Variants in SYN3 observed in about 807,000 individuals in gnomAD.
SYN3 encodes the protein synapsin III, also known as synapsin-3.
A neutral mutation model predicts 65.8 loss-of-function variants in SYN3; 35 were observed. The ratio of observed to expected loss-of-function variants is 0.53; its 90% CI spans 0.41 to 0.70. The LOEUF (loss-of-function observed/expected upper bound fraction) is 0.70. Ranked by LOEUF, SYN3 falls within the 30% of genes least tolerant of loss-of-function variation. The pLI, the probability that SYN3 is intolerant of heterozygous loss-of-function variation, is 0.00. For synonymous variants in SYN3, 270 were observed against 292.9 expected, an observed-to-expected ratio of 0.92 and a Z score of 0.80; for missense variants, 680 against 749.0, an observed-to-expected ratio of 0.91 and a Z score of 1.08.
chr22:32,707,098 AT>A (rs1283052861), intron 6 of SYN3, among the ~76,000 whole-genome samples: 1 of 152,180 alleles, frequency 6.6e-6, no homozygotes, highest in African/African-American at 2.4e-5. Flanking sequence ...TCTCATGTGC[AT>A]ACATTGCTTC....
chr22:32,721,918 T>G (rs1010860044), intron 6 of SYN3, among the ~76,000 whole-genome samples: 1 of 152,218 alleles, frequency 6.6e-6, no homozygotes, highest in African/African-American at 2.4e-5. Flanking sequence ...GACAAAATGC[T>G]GGCTCCAGGA....
chr22:32,857,730 T>G (rs2048411155), intron 6 of SYN3, among the ~76,000 whole-genome samples: 1 of 152,096 alleles, frequency 6.6e-6, no homozygotes, highest in Admixed American at 6.6e-5. Flanking sequence ...AAAACAAAAA[T>G]CATTATAAAG....
Position 32,507,931 on chromosome 22 carries a change from C to T in SYN3, c.*5761G>A, listed in dbSNP as rs559061984. On this transcript the variant is annotated 3_prime_UTR_variant, in exon 14 of 14. Transcript: ENST00000358763. ...TAATCTCTCCCACTCTAGGTTCCCA[C>T]GCCGCCCCTAATCCCACTCGAAGCA... Among the ~76,000 whole-genome samples the T allele has an allele frequency of 6.6e-5, 10 of 152,114 alleles. No homozygotes were observed. The highest frequency in any genetic ancestry group is 4.2e-4 in the South Asian group (2 of 4,810).
intron 7 of SYN3, among the ~76,000 whole-genome samples, chr22:32,548,223 C>T (rs1409168436): frequency 6.6e-6 from 1 of 152,178 alleles, no homozygotes; most frequent in Non-Finnish European, 1.5e-5. Flanking sequence ...GGCCTTTGCA[C>T]TTGCTGTTCC....
intron 6 of SYN3, among the ~76,000 whole-genome samples, chr22:32,661,734 A>G (rs992770708): frequency 6.6e-6 from 1 of 152,118 alleles, no homozygotes; most frequent in African/African-American, 2.4e-5. Context: ...ACATCCTCAA[A>G]GAGCATCTGG....
chr22:32,875,010 G>A (rs2048946927), intron 4 of SYN3, among the ~76,000 whole-genome samples: 2 of 152,214 alleles, frequency 1.3e-5, no homozygotes, highest in South Asian at 4.1e-4. Flanking sequence ...ATAAAGCCAA[G>A]GAAATGTGCA....
chr22:32,586,100 GTATA>G lies in SYN3; in HGVS notation c.774+10570_774+10573del, dbSNP rs2059036351. 3.4e-5 allele frequency among the ~76,000 whole-genome samples: 5 copies of G among 149,122 alleles called. No homozygotes were observed. In the South Asian group the frequency reaches 1.1e-3, roughly 32 times the overall value. ...TGTATACATGTATATATGTATATAT[GTATA>G]CATGTATATGTATATATGTATATGT... On this transcript the variant is annotated intron_variant, in intron 7 of 13. Transcript: ENST00000358763.
At chr22:32,642,439 T>C (rs1324971461) in intron 6 of SYN3, among the ~76,000 whole-genome samples, 1 of 151,844 alleles carries the variant, frequency 6.6e-6, no homozygotes, top group Non-Finnish European at 1.5e-5. Flanking sequence ...TTTTTATCTT[T>C]TTATTTTATT....
intron 6 of SYN3, among the ~76,000 whole-genome samples, chr22:32,667,802 T>TTTCTTTCTTTC (rs1555920141): frequency 1.1e-4 from 16 of 143,966 alleles, no homozygotes; most frequent in African/African-American, 3.8e-4. Flanking sequence ...TTCTTTCTTT[T>TTTCTTTCTTTC]TTTTTTTTTT....
At chr22:32,544,942 AC>A (rs755886248) in intron 7 of SYN3, among the ~76,000 whole-genome samples, 7 of 152,160 alleles carry the variant, frequency 4.6e-5, no homozygotes, top group Non-Finnish European at 8.8e-5. Context: ...GTCATGATGC[AC>A]CCTGATATGG....
At chr22:32,692,814 T>C (rs2060684158) in intron 6 of SYN3, among the ~76,000 whole-genome samples, 3 of 152,202 alleles carry the variant, frequency 2.0e-5, no homozygotes, top group Non-Finnish European at 4.4e-5. Flanking sequence ...ACACTTGATA[T>C]TTAAATTACA....
intron 6 of SYN3, among the ~76,000 whole-genome samples, chr22:32,833,041 C>T (rs146157402): frequency 8.1e-4 from 124 of 152,262 alleles, no homozygotes; most frequent in African/African-American, 2.8e-3. Flanking sequence ...CAAGATCTAC[C>T]TTCTTAACAC....
At chr22:32,884,542 G>A (rs2049236698) in intron 4 of SYN3, among the ~76,000 whole-genome samples, 3 of 152,202 alleles carry the variant, frequency 2.0e-5, no homozygotes, top group Admixed American at 2.0e-4. Context: ...AAAGTCTCCT[G>A]TATACTGTTC....
In SYN3 at chr22:32,965,793, C is replaced by G. The variant is rs933679296; in HGVS notation, c.369+14852G>C. Among the ~76,000 whole-genome samples, 4 of 152,108 alleles carry G rather than the reference C, an allele frequency of 2.6e-5. No homozygotes were observed. The East Asian group carries it at 7.7e-4, about 29-fold the overall frequency. On this transcript the variant is annotated intron_variant, in intron 3 of 13. Coordinates refer to ENST00000358763, the MANE Select transcript of SYN3 (RefSeq NM_003490.4). ...CACTGCAAGCTCCGCCTCCCGGGTT[C>G]GCGCCATTCTCCTGCCTCAGCCTCC...
intron 6 of SYN3, among the ~76,000 whole-genome samples, chr22:32,829,037 C>T (rs130296): frequency 0.87 from 131,834 of 152,134 alleles, 57,158 homozygotes; most frequent in East Asian, 0.89. Flanking sequence ...CTCCCTATAG[C>T]GGACTTGAAC....
chr22:32,560,576 G>C (rs961651793), intron 7 of SYN3, among the ~76,000 whole-genome samples: 1 of 152,180 alleles, frequency 6.6e-6, no homozygotes, highest in African/African-American at 2.4e-5. Context: ...ACATTGACGT[G>C]TGTGCTTGGA....
intron 3 of SYN3, among the ~76,000 whole-genome samples, chr22:32,973,945 C>G (rs539348021): frequency 6.6e-6 from 1 of 152,170 alleles, no homozygotes; most frequent in Non-Finnish European, 1.5e-5. Flanking sequence ...TGCATCACCA[C>G]GCCTGGCTGA....
intron 6 of SYN3, among the ~76,000 whole-genome samples, chr22:32,821,181 C>G (rs1279263899): frequency 6.6e-6 from 1 of 152,132 alleles, no homozygotes; most frequent in Non-Finnish European, 1.5e-5. Flanking sequence ...CCGTCTCTGC[C>G]TTTTACCACT....
In SYN3 at chr22:32,510,984, C is replaced by CATGTGTGTGTGTGT. The variant is rs1555885919; in HGVS notation, c.*2707_*2708insACACACACACACAT. Among the ~76,000 whole-genome samples the CATGTGTGTGTGTGT allele has an allele frequency of 2.1e-5, 3 of 143,030 alleles. No homozygotes were observed. Among genetic ancestry groups the CATGTGTGTGTGTGT allele is most frequent in the Admixed American group, 7.0e-5 (1 of 14,302 alleles). 93.8% of individuals were successfully genotyped at this position (143,030 alleles called of 152,430 possible). A position where few individuals can be genotyped will look rare whatever the true frequency, so the allele number is the denominator to read the frequency against. On this transcript the variant is annotated 3_prime_UTR_variant, in exon 14 of 14. Coordinates refer to ENST00000358763, the MANE Select transcript of SYN3 (RefSeq NM_003490.4). ...TGTCAATTCCAAGTTATTGTCCAGG[C>CATGTGTGTGTGTGT]GTGTGTGTGTGTGTGTGTGTGTGTG... is the stretch of plus-strand genomic sequence containing the variant.
Sources: allele counts gnomAD v4.1 joint callset (sites outside exome capture counted in the v4.1 genomes callset), GRCh38; gene constraint gnomAD v4.1.1; transcripts MANE v1.5; gene names NCBI Gene and HGNC (gene_info 2026-07-23, HGNC 2026-07-21).